Variants in COL23A1 observed in about 807,000 individuals in gnomAD.
COL23A1 encodes collagen type XXIII alpha 1 chain, also known as collagen alpha-1(XXIII) chain.
A neutral mutation model predicts 99.3 loss-of-function variants in COL23A1; 97 were observed. The ratio of observed to expected loss-of-function variants is 0.98; its 90% CI spans 0.83 to 1.16. The LOEUF is 1.16. Ranked by LOEUF, COL23A1 falls within the 50% of genes most tolerant of loss-of-function variation. The pLI, the probability that COL23A1 is intolerant of heterozygous loss-of-function variation, is 0.00. For synonymous variants in COL23A1, 320 were observed against 308.2 expected (o/e 1.04, Z -0.40); for missense variants, 762 against 757.4 (o/e 1.01, Z -0.07).
chr5:178,242,320 C>T, intron 26 of COL23A1, 21 bp downstream of exon 26: 1 of 1,612,838 alleles, frequency 6.2e-7, no homozygotes, highest in Non-Finnish European at 8.5e-7. Context: ...CCTGCCCCAG[C>T]TCCCGTCCAG....
At position 178,307,428 on chromosome 5, in the gene COL23A1, G is replaced by A. The variant is rs1418918322; in HGVS notation, c.362-509C>T. ...ACTCATGACAGGCACTACACGATCC[G>A]CCTGCAGTCTCCGCCACTCGCTGGG... On this transcript the variant is annotated intron_variant, in intron 2 of 28. Coordinates refer to ENST00000390654, the MANE Select transcript of COL23A1 (RefSeq NM_173465.4). This position sits in a 1 kb window ranked among gnomAD's most constrained non-coding sequence, Gnocchi z 4.2. Among the ~76,000 whole-genome samples the A allele has an allele frequency of 6.6e-6, 1 of 152,234 alleles. No homozygotes were observed. Among genetic ancestry groups the A allele is most frequent in the African/African-American group, 2.4e-5 (1 of 41,464 alleles).
intron 2 of COL23A1, among the ~76,000 whole-genome samples, chr5:178,433,794 T>C (rs1360911611): frequency 6.6e-6 from 1 of 152,222 alleles, no homozygotes; most frequent in Non-Finnish European, 1.5e-5. Context: ...ATTCACATAT[T>C]GACGTCTTAA....
intron 3 of COL23A1, among the ~76,000 whole-genome samples, chr5:178,294,817 T>G (rs1434972326): frequency 6.6e-6 from 1 of 152,164 alleles, no homozygotes; most frequent in Non-Finnish European, 1.5e-5. Context: ...AAAAAATGTC[T>G]GCAAGGCAAA....
rs191254250 is a variant in COL23A1 at position 178,409,798 on chromosome 5, C to T, written c.362-102879G>A. Among the ~76,000 whole-genome samples, 7 of 152,234 alleles carry T rather than the reference C, an allele frequency of 4.6e-5. No homozygotes were observed. In the East Asian group the frequency reaches 1.2e-3, roughly 25 times the overall value. On this transcript the variant is annotated intron_variant, in intron 2 of 28. Transcript: ENST00000390654. Reference sequence around the variant, plus strand: ...CATAAAGATGGCATTTCGATCAGTGCTAAAGGATAGATTGTTCAGAACAGA... The same window carrying T: ...CATAAAGATGGCATTTCGATCAGTGTTAAAGGATAGATTGTTCAGAACAGA...
At chr5:178,584,105 T>A (rs558294158) in intron 1 of COL23A1, among the ~76,000 whole-genome samples, 2 of 152,326 alleles carry the variant, frequency 1.3e-5, no homozygotes, top group Admixed American at 6.5e-5. Context: ...AACCTCCGCC[T>A]GCCGGATTCA....
intron 2 of COL23A1, among the ~76,000 whole-genome samples, chr5:178,352,432 G>A (rs1258676823): frequency 1.3e-5 from 2 of 152,202 alleles, no homozygotes; most frequent in African/African-American, 4.8e-5. Flanking sequence ...GAGGAGGGAA[G>A]AGATGAGACA....
At position 178,336,878 on chromosome 5, in the gene COL23A1, A is replaced by G. The variant is rs1053994449; in HGVS notation, c.362-29959T>C. 3.9e-5 allele frequency among the ~76,000 whole-genome samples: 6 copies of G among 152,372 alleles called. No individual in the cohort carries two copies. In the South Asian group the frequency reaches 1.2e-3, roughly 32 times the overall value. On this transcript the variant is annotated intron_variant, in intron 2 of 28. Transcript: ENST00000390654. Reference sequence around the variant, plus strand: ...GCTCTCCTAAGAGGGTAGAAGGAAAAAAACAAAAAAAGGCAAAGCTGAAAC... The same window carrying G: ...GCTCTCCTAAGAGGGTAGAAGGAAAGAAACAAAAAAAGGCAAAGCTGAAAC...
rs1763535550 is a variant in COL23A1, at chr5:178,384,128, TA to T, written c.362-77210del. 6.6e-6 allele frequency among the ~76,000 whole-genome samples: 1 copy of T among 152,018 alleles called. No homozygotes were observed. Among genetic ancestry groups the T allele is most frequent in the Non-Finnish European group, 1.5e-5 (1 of 68,000 alleles). ...CCTCTTCTCTAGAAAGGGGTGATGG[TA>T]AAATAAGGCTGGCCATCGAGAAGAC... On this transcript the variant is annotated intron_variant, in intron 2 of 28. Transcript: ENST00000390654. This position sits in a 1 kb window ranked among gnomAD's most constrained non-coding sequence, Gnocchi z 5.5.
At chr5:178,260,516 C>T (rs183671288) in intron 11 of COL23A1, among the ~76,000 whole-genome samples, 135 of 152,232 alleles carry the variant, frequency 8.9e-4, no homozygotes, top group East Asian at 1.2e-3. Flanking sequence ...CAGTGGTGGC[C>T]GGGCACGGTG....
At chr5:178,440,178 A>G (rs564147842) in intron 2 of COL23A1, among the ~76,000 whole-genome samples, 1 of 152,198 alleles carries the variant, frequency 6.6e-6, no homozygotes, top group Non-Finnish European at 1.5e-5. Context: ...AAAGCTGTTA[A>G]AAAAACAAAC....
chr5:178,371,466 G>C (rs921936162), intron 2 of COL23A1, among the ~76,000 whole-genome samples: 1 of 152,186 alleles, frequency 6.6e-6, no homozygotes, highest in East Asian at 1.9e-4. Context: ...TTCCAGCTGA[G>C]ACTCCGCCAG....
chr5:178,270,235 A>G (rs776629351), intron 6 of COL23A1, 102 bp downstream of exon 6: 17 of 1,395,220 alleles, frequency 1.2e-5, no homozygotes, highest in South Asian at 3.6e-5. Flanking sequence ...GTGCTGAACC[A>G]AGTTCCAGTG....
intron 3 of COL23A1, among the ~76,000 whole-genome samples, chr5:178,295,788 A>G (rs1469394530): frequency 6.6e-6 from 1 of 152,258 alleles, no homozygotes. Context: ...CAGCCATGAA[A>G]AAGGTAATGT....
intron 2 of COL23A1, among the ~76,000 whole-genome samples, chr5:178,370,511 G>C (rs557058346): frequency 2.0e-5 from 3 of 152,282 alleles, no homozygotes; most frequent in Admixed American, 6.5e-5. Flanking sequence ...GGCGGCAGGG[G>C]ATTGGGGGAC....
chr5:178,526,295 T>C (rs1044452654), intron 2 of COL23A1, among the ~76,000 whole-genome samples: 3 of 152,228 alleles, frequency 2.0e-5, no homozygotes, highest in African/African-American at 7.2e-5. Context: ...GAGCTGACTC[T>C]ATCCCCTGAC....
At chr5:178,545,191 G>A (rs987824019) in intron 2 of COL23A1, among the ~76,000 whole-genome samples, 1 of 152,110 alleles carries the variant, frequency 6.6e-6, no homozygotes, top group Non-Finnish European at 1.5e-5. Flanking sequence ...GGGGAGGCGG[G>A]TGCCCCTCAT....
At chr5:178,321,480 C>CTTTTTTTTTTT (rs570803192) in intron 2 of COL23A1, among the ~76,000 whole-genome samples, 3 of 109,040 alleles carry the variant, frequency 2.8e-5, no homozygotes, top group Admixed American at 9.8e-5. Flanking sequence ...GTCACCTTCC[C>CTTTTTTTTTTT]TTTTTTTTTT....
At chr5:178,290,124 GTCTCAC>G (rs1757375434) in intron 4 of COL23A1, among the ~76,000 whole-genome samples, 1 of 152,088 alleles carries the variant, frequency 6.6e-6, no homozygotes, top group Non-Finnish European at 1.5e-5. Context: ...TAGAGACGAG[GTCTCAC>G]TATGTTGGCC....
At chr5:178,545,495 G>A (rs927465116) in intron 2 of COL23A1, among the ~76,000 whole-genome samples, 22 of 152,294 alleles carry the variant, frequency 1.4e-4, no homozygotes, top group Non-Finnish European at 3.1e-4. Context: ...GGGGCGGGGA[G>A]GAACAAGAGC....
Sources: gnomAD v4.1 joint callset for allele counts (sites outside exome capture counted in the v4.1 genomes callset) on GRCh38, gnomAD v4.1.1 for gene constraint, Gnocchi (gnomAD v3.1) non-coding constraint, MANE v1.5 for transcripts, NCBI Gene and HGNC (gene_info 2026-07-23, HGNC 2026-07-21) for gene names.